PAK5: variants seen among roughly 807,000 people sequenced by gnomAD.
PAK5 encodes p21 (RAC1) activated kinase 5, also known as serine/threonine-protein kinase PAK 5.
In PAK5, 16 loss-of-function variants were observed where a neutral mutation model predicts 65.9. The observed-to-expected ratio is 0.24, with a 90% CI of 0.16 to 0.37. PAK5 has a LOEUF of 0.37. Ranked by LOEUF, PAK5 falls within the 10% of genes least tolerant of loss-of-function variation. The pLI is 1.00. For missense variants in PAK5, 785 were observed against 903.9 expected (o/e 0.87, Z 1.69); for synonymous variants, 371 against 354.9 (o/e 1.05, Z -0.51).
At chr20:9,555,449 G>A (rs1055283247) in intron 7 of PAK5, among the ~76,000 whole-genome samples, 1 of 152,150 alleles carries the variant, frequency 6.6e-6, no homozygotes, top group Non-Finnish European at 1.5e-5. Flanking sequence ...TTACAGCAAG[G>A]AAGCCTGTAC....
At chr20:9,684,649 T>A (rs2047694134) in intron 2 of PAK5, among the ~76,000 whole-genome samples, 1 of 152,172 alleles carries the variant, frequency 6.6e-6, no homozygotes, top group African/African-American at 2.4e-5. Flanking sequence ...ATAAATGCAT[T>A]TTTTTTCTAT....
rs1169490387 is a variant in PAK5, at chr20:9,644,221, G to A, written c.108C>T (p.Pro36=). 1.2e-6 allele frequency: 2 copies of A among 1,608,874 alleles called. No individual in the cohort carries two copies. The highest frequency in any genetic ancestry group is 2.7e-5 in the African/African-American group (2 of 74,586). Residue 36 remains proline (P), a synonymous_variant, in exon 3 of 10, where the codon CCC becomes CCT. Coordinates refer to ENST00000353224, the MANE Select transcript of PAK5 (RefSeq NM_177990.4). ...CTGCTAACAGGCTGTGCCACTGCTG[G>A]GGAAGGCCGGTAAACTTCTGCTCTT... is the stretch of plus-strand genomic sequence containing the variant. ...DPQEQKFTGL[P]QQWHSLLADT...
At chr20:9,753,631 C>CCCAT (rs1489186016) in intron 1 of PAK5, among the ~76,000 whole-genome samples, 1 of 152,118 alleles carries the variant, frequency 6.6e-6, no homozygotes, top group East Asian at 1.9e-4. Flanking sequence ...CTCTCCTAAT[C>CCCAT]CCATCATTGT....
At chr20:9,558,007 C>CATTTATTTATGTATTTATTT (rs1555895454) in intron 6 of PAK5, among the ~76,000 whole-genome samples, 2 of 140,612 alleles carry the variant, frequency 1.4e-5, no homozygotes, top group East Asian at 4.2e-4. Flanking sequence ...TCCAGGAACT[C>CATTTATTTATGTATTTATTT]ATTTATTTAT....
intron 1 of PAK5, among the ~76,000 whole-genome samples, chr20:9,781,828 T>C (rs2048943639): frequency 6.6e-6 from 1 of 152,128 alleles, no homozygotes; most frequent in African/African-American, 2.4e-5. Context: ...TGTTAACATC[T>C]GTCCTGAGCC....
chr20:9,780,372 TCAAAG>T (rs2123696256), intron 1 of PAK5, among the ~76,000 whole-genome samples: 1 of 152,206 alleles, frequency 6.6e-6, no homozygotes, highest in South Asian at 2.1e-4. Context: ...CTTTGATTTT[TCAAAG>T]CAAAGTTTAT....
intron 2 of PAK5, among the ~76,000 whole-genome samples, chr20:9,649,569 G>A (rs1327617602): frequency 6.6e-6 from 1 of 152,208 alleles, no homozygotes; most frequent in Admixed American, 6.5e-5. Context: ...CCCTAACTTA[G>A]TGGGTTGCCC....
intron 1 of PAK5, among the ~76,000 whole-genome samples, chr20:9,748,279 T>G (rs190650670): frequency 0.015 from 2,237 of 152,188 alleles, 48 homozygotes; most frequent in African/African-American, 0.049. Context: ...ATTTATAGAT[T>G]CAATGCCATC....
chr20:9,624,096 G>A (rs1025000654), intron 3 of PAK5, among the ~76,000 whole-genome samples: 3 of 152,138 alleles, frequency 2.0e-5, no homozygotes, highest in African/African-American at 7.2e-5. Context: ...TGAATATGAG[G>A]TCCAATATTA....
intron 1 of PAK5, among the ~76,000 whole-genome samples, chr20:9,835,267 T>C (rs1418274737): frequency 6.6e-6 from 1 of 152,106 alleles, no homozygotes; most frequent in East Asian, 1.9e-4. Flanking sequence ...CAAACAGGCA[T>C]TTGCAAACTG....
At chr20:9,783,847 T>TC (rs945464483) in intron 1 of PAK5, among the ~76,000 whole-genome samples, 13 of 152,158 alleles carry the variant, frequency 8.5e-5, no homozygotes, top group African/African-American at 2.9e-4. Context: ...AGCTCTTACC[T>TC]CCCCATTTAA....
chr20:9,829,161 T>C (rs1978511847), intron 1 of PAK5, among the ~76,000 whole-genome samples: 2 of 152,212 alleles, frequency 1.3e-5, no homozygotes, highest in Non-Finnish European at 1.5e-5. Flanking sequence ...GATTTTTGGT[T>C]TGGAACATTC....
chr20:9,777,705 T>A (rs1233530013), intron 1 of PAK5, among the ~76,000 whole-genome samples: 1 of 152,160 alleles, frequency 6.6e-6, no homozygotes, highest in Admixed American at 6.6e-5. Flanking sequence ...ATACATATAT[T>A]TTTTTGAAAT....
intron 1 of PAK5, among the ~76,000 whole-genome samples, chr20:9,779,788 G>A (rs2048923054): frequency 1.3e-5 from 2 of 151,702 alleles, no homozygotes; most frequent in Non-Finnish European, 2.9e-5. Context: ...TCTACTAAAG[G>A]CCCTTGTTTC....
chr20:9,736,701 G>C (rs1438566881), intron 1 of PAK5, among the ~76,000 whole-genome samples: 1 of 152,198 alleles, frequency 6.6e-6, no homozygotes, highest in Non-Finnish European at 1.5e-5. Context: ...ATTGGTTTAC[G>C]ATGATCAGAA....
intron 1 of PAK5, chr20:9,784,561 G>A (rs985511168): frequency 2.6e-5 from 4 of 152,104 alleles, no homozygotes; most frequent in African/African-American, 4.8e-5. Context: ...GTGGATTGAG[G>A]ACAAGAAGCC....
chr20:9,625,558 T>G (rs2046832759), intron 3 of PAK5, among the ~76,000 whole-genome samples: 3 of 152,212 alleles, frequency 2.0e-5, no homozygotes, highest in Admixed American at 1.3e-4. Context: ...TTTATTTGTC[T>G]TCATATTTTT....
At chr20:9,765,815 C>T (rs62192888) in intron 1 of PAK5, among the ~76,000 whole-genome samples, 5,931 of 152,236 alleles carry the variant, frequency 0.039, 125 homozygotes, top group Middle Eastern at 0.061. Flanking sequence ...AAATTAGATA[C>T]AGGACTTCAA....
intron 3 of PAK5, among the ~76,000 whole-genome samples, chr20:9,586,661 C>G (rs1352566645): frequency 6.6e-6 from 1 of 152,020 alleles, no homozygotes; most frequent in Non-Finnish European, 1.5e-5. Flanking sequence ...GGAATCAATA[C>G]AATTTCATAG....
Sources: gnomAD v4.1 joint callset for allele counts (sites outside exome capture counted in the v4.1 genomes callset) on GRCh38, gnomAD v4.1.1 for gene constraint, MANE v1.5 for transcripts, NCBI Gene and HGNC (gene_info 2026-07-23, HGNC 2026-07-21) for gene names.